The following GPC5 variants were observed in gnomAD, a reference collection of about 807,000 sequenced individuals.
The protein encoded by GPC5 is glypican 5, also known as glypican-5.
A neutral mutation model predicts 53.9 loss-of-function variants in GPC5; 47 were observed. That is an observed-to-expected ratio of 0.87 (90% CI 0.69 to 1.11). The LOEUF (loss-of-function observed/expected upper bound fraction) is 1.11, where lower values mean the gene tolerates loss of function less well. Ranked by LOEUF, GPC5 falls within the 50% of genes most tolerant of loss-of-function variation. GPC5 has a pLI of 0.00. For synonymous variants in GPC5, 286 were observed against 263.3 expected, an observed-to-expected ratio of 1.09 and a Z score of -0.84; for missense variants, 748 against 713.1, an observed-to-expected ratio of 1.05 and a Z score of -0.56.
intron 7 of GPC5, among the ~76,000 whole-genome samples, chr13:92,372,199 A>G (rs750300120): frequency 6.6e-6 from 1 of 152,152 alleles, no homozygotes; most frequent in Non-Finnish European, 1.5e-5. Flanking sequence ...CACCAAATCT[A>G]TGAGATGATC....
At chr13:92,427,436 C>T (rs962623438) in intron 7 of GPC5, among the ~76,000 whole-genome samples, 4 of 149,674 alleles carry the variant, frequency 2.7e-5, no homozygotes, top group African/African-American at 9.9e-5. Flanking sequence ...TGGAACTTAG[C>T]TCGGATATAA....
chr13:91,919,271 C>G (rs1016997196), intron 6 of GPC5, among the ~76,000 whole-genome samples: 1 of 152,200 alleles, frequency 6.6e-6, no homozygotes, highest in Non-Finnish European at 1.5e-5. Flanking sequence ...AGTTTCCAAA[C>G]CAATTTTACA....
chr13:91,960,177 A>G (rs1310680454), intron 6 of GPC5, among the ~76,000 whole-genome samples: 2 of 151,874 alleles, frequency 1.3e-5, no homozygotes, highest in Non-Finnish European at 2.9e-5. Context: ...AAAAAAAAAA[A>G]ACTAAAAACT....
chr13:92,027,491 A>C (rs1251734764), intron 6 of GPC5, among the ~76,000 whole-genome samples: 15 of 152,278 alleles, frequency 9.9e-5, no homozygotes, highest in African/African-American at 4.8e-5. Flanking sequence ...TATTGACCTT[A>C]AGTGAGGACA....
intron 7 of GPC5, among the ~76,000 whole-genome samples, chr13:92,145,990 C>T (rs929812410): frequency 6.6e-6 from 1 of 152,006 alleles, no homozygotes; most frequent in African/African-American, 2.4e-5. Flanking sequence ...TCTGGTTTTA[C>T]AAGCCAAATA....
chr13:91,625,119 G>A (rs2033963903), intron 2 of GPC5, among the ~76,000 whole-genome samples: 1 of 151,694 alleles, frequency 6.6e-6, no homozygotes, highest in Non-Finnish European at 1.5e-5. Context: ...AAAGAAAAAA[G>A]GGAGGGAACA....
At chr13:92,548,563 T>C (rs933802901) in intron 7 of GPC5, among the ~76,000 whole-genome samples, 1 of 152,062 alleles carries the variant, frequency 6.6e-6, no homozygotes, top group Admixed American at 6.6e-5. Context: ...TAAAAATTAA[T>C]GATAATTACA....
rs190673058 is a variant in GPC5, at chr13:92,032,813, A to T, written c.1402-112017A>T. Reference sequence around the variant, plus strand: ...TTGTCTGTTTCTCTCAAGCTTCAGGATGCATGATTTCTCCCCCATTCTCTG... The same window carrying T: ...TTGTCTGTTTCTCTCAAGCTTCAGGTTGCATGATTTCTCCCCCATTCTCTG... On this transcript the variant is annotated intron_variant, in intron 6 of 7. Transcript: ENST00000377067. Among the ~76,000 whole-genome samples the T allele has an allele frequency of 5.4e-3, 825 of 152,238 alleles. 4 individuals carry two copies. The highest frequency in any genetic ancestry group is 0.012 in the South Asian group (60 of 4,818).
intron 7 of GPC5, among the ~76,000 whole-genome samples, chr13:92,854,190 G>A (rs1003382637): frequency 1.3e-5 from 2 of 148,598 alleles, no homozygotes; most frequent in East Asian, 3.9e-4. Context: ...CCCACCTGTA[G>A]TGATGGTATA....
chr13:91,842,724 A>AAAAAAG (rs2038803736), intron 5 of GPC5, among the ~76,000 whole-genome samples: 1 of 150,754 alleles, frequency 6.6e-6, no homozygotes, highest in Non-Finnish European at 1.5e-5. Flanking sequence ...AAAAAAAAAA[A>AAAAAAG]AAAAAAGAAT....
intron 2 of GPC5, among the ~76,000 whole-genome samples, chr13:91,674,615 G>T (rs1034203716): frequency 6.8e-6 from 1 of 146,376 alleles, no homozygotes; most frequent in Non-Finnish European, 1.5e-5. Flanking sequence ...ATGCGTATGT[G>T]TATATATACG....
At chr13:92,682,331 T>C (rs567911300) in intron 7 of GPC5, among the ~76,000 whole-genome samples, 1 of 152,150 alleles carries the variant, frequency 6.6e-6, no homozygotes, top group Non-Finnish European at 1.5e-5. Context: ...CTTTGAAGAG[T>C]ATGTGTTTAT....
At chr13:91,993,847 G>T (rs559534954) in intron 6 of GPC5, among the ~76,000 whole-genome samples, 104 of 152,118 alleles carry the variant, frequency 6.8e-4, no homozygotes, top group Non-Finnish European at 1.3e-3. Flanking sequence ...CTTTAAGCTA[G>T]AAAATAAGAA....
intron 7 of GPC5, among the ~76,000 whole-genome samples, chr13:92,222,587 A>G (rs144121916): frequency 6.6e-6 from 1 of 152,244 alleles, no homozygotes; most frequent in African/African-American, 2.4e-5. Context: ...TTTTCTTGCC[A>G]TCCTTAAGAT....
intron 2 of GPC5, among the ~76,000 whole-genome samples, chr13:91,628,108 G>A (rs2034055884): frequency 6.6e-6 from 1 of 152,084 alleles, no homozygotes; most frequent in Non-Finnish European, 1.5e-5. Context: ...TTTGATGCAT[G>A]AAGTTAACTA....
intron 1 of GPC5, among the ~76,000 whole-genome samples, chr13:91,438,960 C>A (rs1880210263): frequency 6.6e-6 from 1 of 152,226 alleles, no homozygotes; most frequent in Non-Finnish European, 1.5e-5. Context: ...CCCTCCGAGC[C>A]AGGTGCGGGA....
intron 7 of GPC5, among the ~76,000 whole-genome samples, chr13:92,254,598 G>C (rs1219034036): frequency 6.6e-6 from 1 of 152,084 alleles, no homozygotes; most frequent in African/African-American, 2.4e-5. Flanking sequence ...CTGCTATAAG[G>C]ATGTATCCAA....
Position 91,546,893 on chromosome 13 carries a change from C to T in GPC5, c.325+97971C>T, listed in dbSNP as rs184824411. ...TACAGTGGTTAGGTAGACCAATTTTCAGACTGTTTTTCTAGTCGTAGCAGC... is the reference window on the plus strand; with the variant it reads ...TACAGTGGTTAGGTAGACCAATTTTTAGACTGTTTTTCTAGTCGTAGCAGC... On this transcript the variant is annotated intron_variant, in intron 2 of 7. Transcript: ENST00000377067. Among the ~76,000 whole-genome samples the T allele has an allele frequency of 2.2e-3, 340 of 152,138 alleles. 2 individuals are homozygous for T. The highest frequency in any genetic ancestry group is 7.8e-3 in the African/African-American group (325 of 41,544).
At chr13:92,412,217 G>A (rs1471062471) in intron 7 of GPC5, among the ~76,000 whole-genome samples, 1 of 151,366 alleles carries the variant, frequency 6.6e-6, no homozygotes, top group East Asian at 1.9e-4. Context: ...AGTTTGCAGG[G>A]GAAAAGAACA....
Sources: allele counts gnomAD v4.1 joint callset (sites outside exome capture counted in the v4.1 genomes callset), GRCh38; gene constraint gnomAD v4.1.1; transcripts MANE v1.5; gene names NCBI Gene and HGNC (gene_info 2026-07-23, HGNC 2026-07-21).